The following ABCB5 variants were observed in gnomAD, a reference collection of about 807,000 sequenced individuals.
ABCB5 encodes the protein ATP-binding cassette sub-family B member 5.
In ABCB5, 155 loss-of-function variants were observed where a neutral mutation model predicts 144.2. The ratio of observed to expected loss-of-function variants is 1.08; its 90% CI spans 0.94 to 1.23. The LOEUF (loss-of-function observed/expected upper bound fraction) is 1.23, where lower values mean the gene tolerates loss of function less well. Ranked by LOEUF, ABCB5 falls within the 50% of genes most tolerant of loss-of-function variation. The pLI is 0.00. For missense variants in ABCB5, 1,830 were observed against 1,520.8 expected (o/e 1.20, Z -3.38); for synonymous variants, 610 against 528.6 (o/e 1.15, Z -2.11).
At chr7:20,748,847 A>T (rs188721953) in intron 26 of ABCB5, among the ~76,000 whole-genome samples, 1 of 152,262 alleles carries the variant, frequency 6.6e-6, no homozygotes, top group East Asian at 1.9e-4. Context: ...AGGCATAGGA[A>T]GAAAGTCGGC....
At chr7:20,629,360 GTCTC>G (rs1190642453) in intron 4 of ABCB5, among the ~76,000 whole-genome samples, 1 of 152,138 alleles carries the variant, frequency 6.6e-6, no homozygotes, top group Non-Finnish European at 1.5e-5. Flanking sequence ...AGTTCAGCTT[GTCTC>G]TCTAAGAATT....
intron 23 of ABCB5, among the ~76,000 whole-genome samples, chr7:20,737,154 T>C (rs1406331434): frequency 4.6e-5 from 7 of 150,566 alleles, no homozygotes; most frequent in Non-Finnish European, 7.4e-5. Context: ...CAAGACTCTG[T>C]CTTAAAAAAA....
At chr7:20,641,172 G>A (rs1018225693) in intron 5 of ABCB5, among the ~76,000 whole-genome samples, 1 of 152,072 alleles carries the variant, frequency 6.6e-6, no homozygotes, top group Non-Finnish European at 1.5e-5. Flanking sequence ...TCTATGTCCT[G>A]CAAATCTTGT....
At chr7:20,722,869 T>G (rs923090769) in intron 20 of ABCB5, 147 bp from the exon 21 acceptor site, 4 of 594,134 alleles carry the variant, frequency 6.7e-6, no homozygotes, top group Non-Finnish European at 1.1e-5. Context: ...GTATCTTATT[T>G]AATCTCAAAG....
At chr7:20,633,021 T>G (rs910902443) in intron 5 of ABCB5, among the ~76,000 whole-genome samples, 11 of 151,084 alleles carry the variant, frequency 7.3e-5, no homozygotes, top group African/African-American at 2.4e-4. Flanking sequence ...TAATAATAAA[T>G]AAATAAATAA....
chr7:20,641,401 C>G (rs1784292478), intron 5 of ABCB5, among the ~76,000 whole-genome samples: 1 of 151,874 alleles, frequency 6.6e-6, no homozygotes, highest in East Asian at 1.9e-4. Context: ...TAGTGTGCAC[C>G]TGTAGTCCCA....
intron 21 of ABCB5, among the ~76,000 whole-genome samples, chr7:20,723,597 T>C (rs1781942049): frequency 6.6e-6 from 1 of 152,340 alleles, no homozygotes; most frequent in South Asian, 2.1e-4. Flanking sequence ...GAATATTGCA[T>C]AAAACACAAT....
At chr7:20,680,825 T>C (rs1785768568) in intron 14 of ABCB5, among the ~76,000 whole-genome samples, 1 of 152,162 alleles carries the variant, frequency 6.6e-6, no homozygotes, top group African/African-American at 2.4e-5. Flanking sequence ...AACAATTAAC[T>C]TTCTGACTTT....
rs1783070021 is a variant in ABCB5, at chr7:20,755,719, T to C, written c.*95T>C. ...AAGCTTTGATCTCTTTTATTGCATA[T>C]ATCAATACCTAGAATCATGCTACTC... On this transcript the variant is annotated 3_prime_UTR_variant, in exon 28 of 28. Coordinates refer to ENST00000404938, the MANE Select transcript of ABCB5 (RefSeq NM_001163941.2). 1 of 1,061,500 alleles carries C rather than the reference T, an allele frequency of 9.4e-7. No individual in the cohort carries two copies. Among genetic ancestry groups the C allele is most frequent in the Non-Finnish European group, 1.4e-6 (1 of 719,408 alleles). The allele number at this position is 1,061,500 out of a possible 1,614,324, so 65.8% of individuals were successfully genotyped here. A position where few individuals can be genotyped will look rare whatever the true frequency, so the allele number is the denominator to read the frequency against.
intron 16 of ABCB5, among the ~76,000 whole-genome samples, chr7:20,690,341 T>C (rs958793668): frequency 6.6e-6 from 1 of 152,240 alleles, no homozygotes; most frequent in East Asian, 1.9e-4. Flanking sequence ...ACCACATTCA[T>C]AACTGTATCA....
intron 16 of ABCB5, among the ~76,000 whole-genome samples, chr7:20,689,665 G>T (rs1350303631): frequency 6.6e-6 from 1 of 152,020 alleles, no homozygotes; most frequent in Non-Finnish European, 1.5e-5. Context: ...TATGCAGGCA[G>T]AACAGAGGAG....
chr7:20,679,733 T>A (rs181917329), intron 14 of ABCB5, among the ~76,000 whole-genome samples: 5 of 152,290 alleles, frequency 3.3e-5, no homozygotes, highest in Non-Finnish European at 7.3e-5. Flanking sequence ...AATAAAAATA[T>A]GATAGTTCTC....
intron 7 of ABCB5, 115 bp downstream of exon 7, chr7:20,643,747 G>C: frequency 3.6e-6 from 4 of 1,114,974 alleles, no homozygotes; most frequent in Non-Finnish European, 5.1e-6. Flanking sequence ...AAACTACAAA[G>C]GGATATTATA....
In ABCB5 at chr7:20,679,470, T is replaced by TTAAAAAAA. The variant is rs1785718780; in HGVS notation, c.1708-2035_1708-2034insTAAAAAAA. The stretch of plus-strand genomic sequence containing the variant: ...TGGGCAACAAGAGCTAAACTCCATC[T>TTAAAAAAA]CAAAAAAAAAAAAAAAGAGAGAGAG... On this transcript the variant is annotated intron_variant, in intron 14 of 27. Coordinates refer to ENST00000404938, the MANE Select transcript of ABCB5 (RefSeq NM_001163941.2). Among the ~76,000 whole-genome samples, 7 of 2,662 alleles carry TTAAAAAAA rather than the reference T, an allele frequency of 2.6e-3. No homozygotes were observed. In the Admixed American group the frequency reaches 0.029, roughly 11 times the overall value. 1.7% of individuals were successfully genotyped at this position (2,662 alleles called of 152,430 possible).
intron 19 of ABCB5, among the ~76,000 whole-genome samples, chr7:20,703,062 A>G (rs1330002983): frequency 1.3e-5 from 2 of 152,134 alleles, no homozygotes; most frequent in South Asian, 2.1e-4. Flanking sequence ...GATTAATCAC[A>G]TATGTACCTA....
intron 1 of ABCB5, 31 bp from the exon 2 acceptor site, chr7:20,623,234 C>A: frequency 8.1e-7 from 1 of 1,233,042 alleles, no homozygotes; most frequent in Non-Finnish European, 1.2e-6. Flanking sequence ...AGTCACATAG[C>A]CATAATACAT....
chr7:20,645,646 TA>T, intron 7 of ABCB5, 109 bp from the exon 8 acceptor site: 3 of 1,359,974 alleles, frequency 2.2e-6, no homozygotes, highest in Non-Finnish European at 3.0e-6. Context: ...AGATAAAGTC[TA>T]AAAAAATACC....
At chr7:20,710,929 A>G (rs1189970620) in intron 20 of ABCB5, among the ~76,000 whole-genome samples, 1 of 149,924 alleles carries the variant, frequency 6.7e-6, no homozygotes, top group Non-Finnish European at 1.5e-5. Flanking sequence ...AAGGAAAGTG[A>G]TATTGCTAAG....
intron 1 of ABCB5, among the ~76,000 whole-genome samples, chr7:20,618,083 T>C (rs572877566): frequency 6.6e-6 from 1 of 152,304 alleles, no homozygotes; most frequent in East Asian, 1.9e-4. Flanking sequence ...ATGTACCCAT[T>C]TAAGATGTAC....
Sources: gnomAD v4.1 joint callset for allele counts (sites outside exome capture counted in the v4.1 genomes callset) on GRCh38, gnomAD v4.1.1 for gene constraint, MANE v1.5 for transcripts, NCBI Gene and HGNC (gene_info 2026-07-23, HGNC 2026-07-21) for gene names.